Variants in NCKAP5 observed in about 807,000 individuals in gnomAD.
NCKAP5 encodes NCK associated protein 5, also known as nck-associated protein 5.
NCKAP5 carries 92 observed loss-of-function variants against 167.0 expected under a neutral mutation model. The observed-to-expected ratio is 0.55, with a 90% CI of 0.47 to 0.66. The LOEUF is 0.66. Ranked by LOEUF, NCKAP5 falls within the 30% of genes least tolerant of loss-of-function variation. NCKAP5 has a pLI of 0.00. For missense variants in NCKAP5, 2,378 were observed against 2,315.0 expected (o/e 1.03, Z -0.56); for synonymous variants, 891 against 877.4 (o/e 1.02, Z -0.27).
At chr2:132,692,149 A>ATTTTT (rs1446477052) in intron 19 of NCKAP5, among the ~76,000 whole-genome samples, 4 of 145,890 alleles carry the variant, frequency 2.7e-5, no homozygotes, top group African/African-American at 1.1e-4. Context: ...ATTTTATTTT[A>ATTTTT]TTTTATTTTT....
intron 5 of NCKAP5, among the ~76,000 whole-genome samples, chr2:133,209,201 C>T (rs78867645): frequency 0.025 from 3,810 of 151,872 alleles, 85 homozygotes; most frequent in Non-Finnish European, 0.037. Flanking sequence ...ACAGAAGAGG[C>T]CTCTCAGTAA....
chr2:133,045,369 A>C (rs943045355), intron 6 of NCKAP5, among the ~76,000 whole-genome samples: 2 of 151,954 alleles, frequency 1.3e-5, no homozygotes, highest in Admixed American at 6.6e-5. Context: ...AAAAGTATAT[A>C]TATCTATATC....
intron 3 of NCKAP5, among the ~76,000 whole-genome samples, chr2:133,474,153 TATAC>T (rs1294550917): frequency 7.6e-6 from 1 of 132,442 alleles, no homozygotes; most frequent in African/African-American, 3.8e-5. Flanking sequence ...TCTATCTATC[TATAC>T]ACACACACAC....
chr2:133,048,081 C>T (rs1033585252), intron 6 of NCKAP5, among the ~76,000 whole-genome samples: 2 of 152,108 alleles, frequency 1.3e-5, no homozygotes, highest in Admixed American at 1.3e-4. Flanking sequence ...GCATACCTTC[C>T]ACAGTGTCTC....
intron 3 of NCKAP5, among the ~76,000 whole-genome samples, chr2:133,447,317 T>C (rs1372674820): frequency 2.0e-5 from 3 of 152,228 alleles, no homozygotes; most frequent in Non-Finnish European, 4.4e-5. Context: ...CTTGCACTCG[T>C]GCTTTTAGTA....
At chr2:132,854,015 T>A (rs554929306) in intron 11 of NCKAP5, among the ~76,000 whole-genome samples, 13 of 152,310 alleles carry the variant, frequency 8.5e-5, no homozygotes, top group African/African-American at 2.9e-4. Flanking sequence ...AGCATTTCCA[T>A]TTGCCTGGTT....
At chr2:133,527,838 G>C (rs1413980040) in intron 2 of NCKAP5, among the ~76,000 whole-genome samples, 1 of 152,112 alleles carries the variant, frequency 6.6e-6, no homozygotes, top group Admixed American at 6.5e-5. Context: ...GTCAAGGTGG[G>C]AGGATCACTT....
At chr2:133,674,125 T>C in the NCKAP5 span, among the ~76,000 whole-genome samples, 3 of 152,120 alleles carry the variant, frequency 2.0e-5, no homozygotes, top group African/African-American at 7.2e-5. Context: ...ATTCCCAAGT[T>C]AGCAGCTTCT....
intron 3 of NCKAP5, among the ~76,000 whole-genome samples, chr2:133,497,842 C>T (rs1682075159): frequency 6.6e-6 from 1 of 152,108 alleles, no homozygotes; most frequent in South Asian, 2.1e-4. Context: ...AGATACAGGC[C>T]CCTGTCTTTG....
At chr2:133,026,903 G>GCAACTCAA (rs1271201356) in intron 6 of NCKAP5, among the ~76,000 whole-genome samples, 1 of 152,140 alleles carries the variant, frequency 6.6e-6, no homozygotes, top group Non-Finnish European at 1.5e-5. Flanking sequence ...AGCATCACAT[G>GCAACTCAA]CAACTCAATG....
At chr2:133,299,827 G>A (rs990401337) in intron 4 of NCKAP5, among the ~76,000 whole-genome samples, 10 of 151,982 alleles carry the variant, frequency 6.6e-5, no homozygotes, top group Non-Finnish European at 1.2e-4. Flanking sequence ...AAACAATTTC[G>A]GTACAATATG....
the NCKAP5 span, among the ~76,000 whole-genome samples, chr2:133,621,154 C>T: frequency 4.6e-5 from 7 of 151,956 alleles, no homozygotes; most frequent in Non-Finnish European, 1.0e-4. Flanking sequence ...GGACTAAATG[C>T]CTACACCAAA....
At chr2:132,973,954 A>T (rs568672804) in intron 7 of NCKAP5, among the ~76,000 whole-genome samples, 5 of 152,276 alleles carry the variant, frequency 3.3e-5, no homozygotes, top group African/African-American at 9.6e-5. Flanking sequence ...GCCTTAAAAA[A>T]ATAAAGACAA....
intron 2 of NCKAP5, among the ~76,000 whole-genome samples, chr2:133,534,673 C>CT (rs1685619816): frequency 6.6e-6 from 1 of 152,084 alleles, no homozygotes; most frequent in Non-Finnish European, 1.5e-5. Context: ...TGCTTCATTC[C>CT]TTTTTGTAAT....
rs554800757 is a variant in NCKAP5 at position 133,187,162 on chromosome 2, C to T, written c.207+26554G>A. On this transcript the variant is annotated intron_variant, in intron 5 of 19. Transcript: ENST00000409261. ...TTTTCATAAGTTGTGTCTCTATTTT[C>T]ATTAATTTTAAATAAAGTTTTTTGT... Among the ~76,000 whole-genome samples the T allele has an allele frequency of 3.3e-5, 5 of 152,044 alleles. No homozygotes were observed. The East Asian group carries it at 9.7e-4, about 29-fold the overall frequency.
intron 16 of NCKAP5, among the ~76,000 whole-genome samples, chr2:132,743,673 T>C (rs1403464889): frequency 6.6e-6 from 1 of 151,548 alleles, no homozygotes; most frequent in Non-Finnish European, 1.5e-5. Flanking sequence ...TAGATTTAAA[T>C]CCAACCATTT....
At chr2:133,458,662 T>C (rs1692005023) in intron 3 of NCKAP5, among the ~76,000 whole-genome samples, 1 of 152,044 alleles carries the variant, frequency 6.6e-6, no homozygotes. Flanking sequence ...GAAATTTTGT[T>C]ATTGTTGTTA....
At chr2:132,816,711 T>C (rs969958377) in intron 11 of NCKAP5, among the ~76,000 whole-genome samples, 3 of 152,192 alleles carry the variant, frequency 2.0e-5, no homozygotes, top group Non-Finnish European at 4.4e-5. Flanking sequence ...TGGATGACAC[T>C]TGTCCTGTTA....
chr2:132,992,331 G>A (rs551135065), intron 7 of NCKAP5, among the ~76,000 whole-genome samples: 12 of 152,248 alleles, frequency 7.9e-5, no homozygotes, highest in African/African-American at 2.2e-4. Flanking sequence ...TTTCCGTTTC[G>A]CAAAATGAAT....
Sources: gnomAD v4.1 joint callset for allele counts (sites outside exome capture counted in the v4.1 genomes callset) on GRCh38, gnomAD v4.1.1 for gene constraint, MANE v1.5 for transcripts, NCBI Gene and HGNC (gene_info 2026-07-23, HGNC 2026-07-21) for gene names.